NDST4: variants seen among roughly 807,000 people sequenced by gnomAD.
NDST4 encodes N-deacetylase and N-sulfotransferase 4.
NDST4 carries 63 observed loss-of-function variants against 100.8 expected under a neutral mutation model. The observed-to-expected ratio is 0.62, with a 90% CI of 0.51 to 0.77. The LOEUF is 0.77. NDST4 is among the 30% of genes least tolerant of loss of function. The pLI is 0.00. For missense variants in NDST4, 943 were observed against 1,018.4 expected, an observed-to-expected ratio of 0.93 and a Z score of 1.01; for synonymous variants, 377 against 361.8, an observed-to-expected ratio of 1.04 and a Z score of -0.48.
chr4:115,074,265 T>C (rs1453867014), intron 2 of NDST4, among the ~76,000 whole-genome samples: 1 of 151,972 alleles, frequency 6.6e-6, no homozygotes, highest in Non-Finnish European at 1.5e-5. Flanking sequence ...ACAATTTGTT[T>C]TTCTATTGAG....
chr4:115,081,172 A>T (rs1446700701), intron 1 of NDST4, among the ~76,000 whole-genome samples: 1 of 152,166 alleles, frequency 6.6e-6, no homozygotes, highest in Non-Finnish European at 1.5e-5. Flanking sequence ...AAATTTATTT[A>T]ACAGTAATAT....
intron 6 of NDST4, among the ~76,000 whole-genome samples, chr4:114,889,858 A>G (rs1308585655): frequency 6.6e-6 from 1 of 152,142 alleles, no homozygotes; most frequent in South Asian, 2.1e-4. Context: ...CCATCTGTAA[A>G]CTGGGGAAAA....
At chr4:114,842,061 T>C (rs971013465) in intron 10 of NDST4, among the ~76,000 whole-genome samples, 2 of 152,234 alleles carry the variant, frequency 1.3e-5, no homozygotes, top group African/African-American at 4.8e-5. Context: ...ATGCACTAAA[T>C]TCGTACATAC....
intron 2 of NDST4, among the ~76,000 whole-genome samples, chr4:114,989,006 A>G (rs992789299): frequency 2.0e-5 from 3 of 151,990 alleles, no homozygotes; most frequent in South Asian, 2.1e-4. Context: ...TCTGACAAAA[A>G]CTTAAGAGTT....
At chr4:114,882,333 G>C (rs538237257) in intron 6 of NDST4, among the ~76,000 whole-genome samples, 2 of 151,982 alleles carry the variant, frequency 1.3e-5, no homozygotes, top group Admixed American at 6.6e-5. Context: ...GGGCCTTAAG[G>C]GGGCAAAAGG....
intron 2 of NDST4, among the ~76,000 whole-genome samples, chr4:114,982,105 A>G (rs925386999): frequency 1.3e-5 from 2 of 152,210 alleles, no homozygotes; most frequent in African/African-American, 4.8e-5. Flanking sequence ...ATGTGTTTAC[A>G]GCAGTGTAAG....
At chr4:114,978,976 A>G (rs945052769) in intron 2 of NDST4, among the ~76,000 whole-genome samples, 5 of 152,106 alleles carry the variant, frequency 3.3e-5, no homozygotes, top group African/African-American at 1.2e-4. Context: ...CATGAGCTCA[A>G]TAAATACTAT....
chr4:114,918,268 G>A (rs1304237572), intron 6 of NDST4, among the ~76,000 whole-genome samples: 1 of 151,924 alleles, frequency 6.6e-6, no homozygotes, highest in Non-Finnish European at 1.5e-5. Context: ...GAATTGGGCT[G>A]CGATGCTGGG....
At chr4:115,041,862 G>A (rs1400179724) in intron 2 of NDST4, among the ~76,000 whole-genome samples, 1 of 151,968 alleles carries the variant, frequency 6.6e-6, no homozygotes, top group Non-Finnish European at 1.5e-5. Flanking sequence ...AAATAAAACC[G>A]AGGTGGTACT....
Position 114,917,018 on chromosome 4 carries a change from G to A in NDST4, c.1536+18188C>T, listed in dbSNP as rs114158680. Among the ~76,000 whole-genome samples, 383 of 152,148 alleles carry A rather than the reference G, an allele frequency of 2.5e-3. 1 individual carries two copies. The highest frequency in any genetic ancestry group is 9.0e-3 in the African/African-American group (375 of 41,488). ...ATATAGTTGTCCCTTGGTATCTGTG[G>A]GGAGTTGTTTCCAGGACTCCTTGCA... On this transcript the variant is annotated intron_variant, in intron 6 of 13. Coordinates refer to ENST00000264363, the MANE Select transcript of NDST4 (RefSeq NM_022569.3).
intron 2 of NDST4, among the ~76,000 whole-genome samples, chr4:115,027,505 T>A (rs1728013200): frequency 1.3e-5 from 2 of 152,110 alleles, no homozygotes; most frequent in African/African-American, 4.8e-5. Context: ...AGAAAGAGAC[T>A]AGGGATTCAC....
intron 2 of NDST4, among the ~76,000 whole-genome samples, chr4:115,001,750 A>G (rs892813342): frequency 3.7e-4 from 57 of 152,264 alleles, no homozygotes; most frequent in African/African-American, 1.3e-3. Context: ...TGCTTAATAA[A>G]TAATTGTGTA....
At chr4:115,061,963 A>C (rs530616) in intron 2 of NDST4, among the ~76,000 whole-genome samples, 37,920 of 151,866 alleles carry the variant, frequency 0.25, 6,521 homozygotes, top group African/African-American at 0.46. Context: ...AGACATGGAA[A>C]GAATACCAGA....
intron 1 of NDST4, among the ~76,000 whole-genome samples, chr4:115,081,889 C>G (rs1157301980): frequency 6.6e-6 from 1 of 152,116 alleles, no homozygotes. Context: ...TAAATTCCAT[C>G]TGTGGAAAAA....
intron 2 of NDST4, among the ~76,000 whole-genome samples, chr4:114,982,140 A>G (rs1726788578): frequency 6.6e-6 from 1 of 152,168 alleles, no homozygotes; most frequent in Non-Finnish European, 1.5e-5. Flanking sequence ...GAAAATTGGT[A>G]TTGGGAGTGG....
chr4:115,057,650 C>T (rs1261704601), intron 2 of NDST4, among the ~76,000 whole-genome samples: 1 of 151,836 alleles, frequency 6.6e-6, no homozygotes, highest in Non-Finnish European at 1.5e-5. Flanking sequence ...ATACACGTAT[C>T]TGGCTTTGTT....
intron 2 of NDST4, among the ~76,000 whole-genome samples, chr4:115,066,496 G>GT (rs1306416284): frequency 6.6e-6 from 1 of 152,100 alleles, no homozygotes; most frequent in Admixed American, 6.6e-5. Context: ...CCTCTTGCAA[G>GT]TAAGTTTGAG....
chr4:115,026,950 G>C (rs570228355), intron 2 of NDST4, among the ~76,000 whole-genome samples: 2 of 152,206 alleles, frequency 1.3e-5, no homozygotes, highest in South Asian at 4.1e-4. Flanking sequence ...GAAGAATGAT[G>C]GCTTCTGTTC....
In NDST4 at chr4:115,037,180, GA is replaced by G. The variant is rs200261418; in HGVS notation, c.978+38878del. Among the ~76,000 whole-genome samples, 1,287 of 151,876 alleles carry G rather than the reference GA, an allele frequency of 8.5e-3. 10 individuals are homozygous for G. The highest frequency in any genetic ancestry group is 0.018 in the African/African-American group (742 of 41,480). On this transcript the variant is annotated intron_variant, in intron 2 of 13. Transcript: ENST00000264363. Reference sequence around the variant, plus strand: ...TGGTCATTAATGATTCTTCCTGAAAGAAAAAAAGATGGAGAAGAGAGAGTAA... The same window carrying G: ...TGGTCATTAATGATTCTTCCTGAAAGAAAAAAGATGGAGAAGAGAGAGTAA...
Sources: allele counts gnomAD v4.1 joint callset (sites outside exome capture counted in the v4.1 genomes callset), GRCh38; gene constraint gnomAD v4.1.1; transcripts MANE v1.5; gene names NCBI Gene and HGNC (gene_info 2026-07-23, HGNC 2026-07-21).